Variants in TSFM observed in about 807,000 individuals in gnomAD.
TSFM encodes Ts translation elongation factor, mitochondrial, also known as elongation factor Ts, mitochondrial.
TSFM carries 29 observed loss-of-function variants against 33.4 expected under a neutral mutation model. The observed-to-expected ratio is 0.87, with a 90% confidence interval of 0.65 to 1.18. The LOEUF (loss-of-function observed/expected upper bound fraction) is 1.18, where lower values mean the gene tolerates loss of function less well. Among genes scored for constraint, TSFM ranks in the 50% most tolerant of loss-of-function variants. TSFM has a pLI of 0.00. For missense variants in TSFM, 394 were observed against 395.6 expected (o/e 1.00, Z 0.04); for synonymous variants, 178 against 163.5 (o/e 1.09, Z -0.68).
downstream of TSFM, chr12:57,800,787 T>C (rs936204644): frequency 6.1e-6 from 1 of 163,824 alleles, no homozygotes; most frequent in Non-Finnish European, 1.3e-5. Context: ...TTCATATTTT[T>C]AGTAGAGACG....
downstream of TSFM, chr12:57,799,692 G>C: frequency 6.6e-7 from 1 of 1,510,356 alleles, no homozygotes; most frequent in Non-Finnish European, 8.9e-7. Flanking sequence ...TGTCCATTGA[G>C]CGGCTACAAT....
At chr12:57,784,145 ATACTG>A (rs1317068348) in intron 2 of TSFM, 1 of 702,440 alleles carries the variant, frequency 1.4e-6, no homozygotes, top group African/African-American at 1.7e-5. Flanking sequence ...ACTGGACTGA[ATACTG>A]TAGGCAGTTG....
downstream of TSFM, chr12:57,800,451 T>C (rs899814238): frequency 1.3e-5 from 2 of 153,684 alleles, no homozygotes; most frequent in Non-Finnish European, 2.9e-5. Context: ...CTTTTAACCA[T>C]TAAAATAGGT....
rs1565821575 is a variant in TSFM at position 57,787,030 on chromosome 12, G to A, written c.361-10G>A. 1.2e-6 allele frequency: 2 copies of A among 1,611,506 alleles called. No individual in the cohort carries two copies. The highest frequency in any genetic ancestry group is 1.7e-6 in the Non-Finnish European group (2 of 1,178,744). ...ACAGCTTATACAGCTATATCAATTT[G>A]TTCCCACAGGTAAACTGTGAGACAG... On this transcript the variant is annotated splice_polypyrimidine_tract_variant and intron_variant, in intron 3 of 5. Coordinates refer to ENST00000652027, the MANE Select transcript of TSFM (RefSeq NM_005726.6).
chr12:57,793,655 T>A (rs980721402), intron 5 of TSFM, among the ~76,000 whole-genome samples: 3 of 152,206 alleles, frequency 2.0e-5, no homozygotes, highest in Admixed American at 6.5e-5. Flanking sequence ...AATTTAGATT[T>A]GTATCCAAAA....
In TSFM at chr12:57,796,187, A is replaced by G. The variant is rs2140428742; in HGVS notation, c.582A>G (p.Gly194=). Residue 194 remains glycine (G), a synonymous_variant, in exon 6 of 6, where the codon GGA becomes GGG. Transcript: ENST00000652027. ...TTTTTGCTTTAATAGGAAAACTGGG[A>G]GAAAACATGATTCTTAAACGAGCTG... is the stretch of plus-strand genomic sequence containing the variant. The part of the protein sequence containing the change: ...DQLALAIGKL[G]ENMILKRAAW... 5.7e-6 allele frequency: 9 copies of G among 1,574,190 alleles called. No individual in the cohort carries two copies. Among genetic ancestry groups the G allele is most frequent in the African/African-American group, 1.4e-5 (1 of 73,126 alleles).
downstream of TSFM, chr12:57,797,840 G>T: frequency 6.9e-7 from 1 of 1,440,806 alleles, no homozygotes; most frequent in Non-Finnish European, 9.4e-7. Flanking sequence ...GGCACTATCT[G>T]CTCTTTTCTG....
chr12:57,783,990 A>G (rs1955553993), intron 2 of TSFM: 1 of 702,982 alleles, frequency 1.4e-6, no homozygotes, highest in Non-Finnish European at 2.6e-6. Context: ...ATAGGAAGAT[A>G]CATTCTGAGA....
At chr12:57,793,166 T>A in intron 5 of TSFM, 93 bp downstream of exon 5, 1 of 1,081,714 alleles carries the variant, frequency 9.2e-7, no homozygotes, top group Non-Finnish European at 1.4e-6. Flanking sequence ...ATCATGTGCC[T>A]ACAAGGGTCA....
chr12:57,792,472 T>C (rs1348850307), intron 4 of TSFM, among the ~76,000 whole-genome samples: 1 of 152,206 alleles, frequency 6.6e-6, no homozygotes, highest in Non-Finnish European at 1.5e-5. Context: ...TGGAATGTAA[T>C]TGGGGGTGGT....
downstream of TSFM, chr12:57,799,701 A>G: frequency 1.9e-6 from 3 of 1,546,418 alleles, no homozygotes; most frequent in Non-Finnish European, 2.6e-6. Flanking sequence ...AGCGGCTACA[A>G]TGTGCCGGAG....
chr12:57,800,047 A>G, downstream of TSFM: 1 of 1,242,450 alleles, frequency 8.0e-7, no homozygotes, highest in Non-Finnish European at 1.1e-6. Context: ...CATCTTTGAT[A>G]ACAATGCTCC....
chr12:57,783,090 C>G lies in TSFM; in HGVS notation c.58-20C>G. 5.0e-6 allele frequency: 8 copies of G among 1,597,822 alleles called. No individual in the cohort carries two copies. The highest frequency in any genetic ancestry group is 6.8e-6 in the Non-Finnish European group (8 of 1,173,794). Reference sequence around the variant, plus strand: ...GAGTTTGCTGCTTCCTGCTCCTCATCCCTTTCTTATCTCATCTAGGCTGGG... The same window carrying G: ...GAGTTTGCTGCTTCCTGCTCCTCATGCCTTTCTTATCTCATCTAGGCTGGG... On this transcript the variant is annotated intron_variant, in intron 1 of 5. Coordinates refer to ENST00000652027, the MANE Select transcript of TSFM (RefSeq NM_005726.6).
At chr12:57,791,285 C>T (rs1344134684) in intron 4 of TSFM, among the ~76,000 whole-genome samples, 1 of 152,210 alleles carries the variant, frequency 6.6e-6, no homozygotes, top group Non-Finnish European at 1.5e-5. Flanking sequence ...GCTGAGATTA[C>T]AGGCGTGGGC....
chr12:57,791,290 G>A (rs1312724610), intron 4 of TSFM, among the ~76,000 whole-genome samples: 6 of 152,156 alleles, frequency 3.9e-5, no homozygotes, highest in Admixed American at 6.5e-5. Flanking sequence ...GATTACAGGC[G>A]TGGGCCACCG....
At chr12:57,798,086 G>T (rs560190779), downstream of TSFM, 242 of 818,046 alleles carry the variant, frequency 3.0e-4, 1 homozygote, top group South Asian at 4.5e-3. Context: ...GGGAGTTCTA[G>T]GTGGATCCTT....
intron 4 of TSFM, among the ~76,000 whole-genome samples, 165 bp downstream of exon 4, chr12:57,787,327 G>A (rs1280643258): frequency 6.6e-6 from 1 of 152,038 alleles, no homozygotes; most frequent in African/African-American, 2.4e-5. Flanking sequence ...ATATCCCCGT[G>A]TCATGCTGCA....
chr12:57,801,192 T>C (rs760498965), downstream of TSFM: 1 of 1,613,662 alleles, frequency 6.2e-7, no homozygotes, highest in Non-Finnish European at 8.5e-7. Flanking sequence ...CTTCTTTTAA[T>C]TGTTCATATG....
chr12:57,795,073 A>G (rs1179396710), intron 5 of TSFM, among the ~76,000 whole-genome samples: 1 of 72,346 alleles, frequency 1.4e-5, no homozygotes, highest in Middle Eastern at 7.4e-3. Flanking sequence ...TTAATGCTCC[A>G]TATATATATA....
Sources: allele counts gnomAD v4.1 joint callset (sites outside exome capture counted in the v4.1 genomes callset), GRCh38; gene constraint gnomAD v4.1.1; transcripts MANE v1.5; gene names NCBI Gene and HGNC (gene_info 2026-07-23, HGNC 2026-07-21).